SYT16: variants seen among roughly 807,000 people sequenced by gnomAD.
SYT16 encodes synaptotagmin 16.
Under a neutral mutation model 61.4 loss-of-function variants are expected in SYT16, and 42 were observed. The ratio of observed to expected loss-of-function variants is 0.68; its 90% CI spans 0.53 to 0.89. The LOEUF (loss-of-function observed/expected upper bound fraction) is 0.89. Among genes scored for constraint, SYT16 ranks in the 40% least tolerant of loss-of-function variants. The pLI, the probability that SYT16 is intolerant of heterozygous loss-of-function variation, is 0.00. For synonymous variants in SYT16, 314 were observed against 302.3 expected (o/e 1.04, Z -0.40); for missense variants, 804 against 807.3 (o/e 1.00, Z 0.05).
At chr14:61,888,885 A>G (rs1184870382) in intron 1 of SYT16, among the ~76,000 whole-genome samples, 1 of 152,142 alleles carries the variant, frequency 6.6e-6, no homozygotes, top group Non-Finnish European at 1.5e-5. Flanking sequence ...ACTAATAGCT[A>G]TCTCTCTATA....
chr14:62,032,590 T>C (rs941373142), intron 3 of SYT16, among the ~76,000 whole-genome samples: 2 of 152,088 alleles, frequency 1.3e-5, no homozygotes, highest in African/African-American at 2.4e-5. Context: ...GTAATGATAC[T>C]GAATAATGAC....
intron 1 of SYT16, among the ~76,000 whole-genome samples, chr14:61,855,056 A>G (rs2140277305): frequency 6.6e-6 from 1 of 152,314 alleles, no homozygotes; most frequent in East Asian, 1.9e-4. Flanking sequence ...ATCTACAAGG[A>G]CTGAGATAAA....
chr14:62,094,982 G>T (rs1329640922), intron 7 of SYT16, among the ~76,000 whole-genome samples: 4 of 151,928 alleles, frequency 2.6e-5, no homozygotes, highest in African/African-American at 9.7e-5. Context: ...GAGTACTGGG[G>T]CTCTCTCTCC....
chr14:61,981,445 T>C (rs865933843), intron 2 of SYT16, among the ~76,000 whole-genome samples: 1 of 152,120 alleles, frequency 6.6e-6, no homozygotes, highest in Admixed American at 6.6e-5. Flanking sequence ...AAAAAACTTA[T>C]TATGGAAACG....
At chr14:62,029,228 A>G (rs2140795753) in intron 3 of SYT16, among the ~76,000 whole-genome samples, 1 of 152,290 alleles carries the variant, frequency 6.6e-6, no homozygotes, top group Non-Finnish European at 1.5e-5. Context: ...TCCCCGGTTC[A>G]AGTGATTCTT....
At chr14:62,013,693 C>T (rs768201806) in intron 3 of SYT16, among the ~76,000 whole-genome samples, 14 of 152,154 alleles carry the variant, frequency 9.2e-5, no homozygotes, top group Non-Finnish European at 1.9e-4. Context: ...CGGCCAAGTG[C>T]GGTGGCTCAT....
In SYT16 at chr14:62,104,528, G is replaced by A. The variant is rs1237902759; in HGVS notation, c.*3821G>A. ...GAAGAATTAAAGAATACATAAATGT[G>A]CTGGATACATTTAGCATCCTCCAGT... On this transcript the variant is annotated 3_prime_UTR_variant, in exon 8 of 8. Transcript: ENST00000683842. The A allele has an allele frequency of 2.0e-5, 3 of 152,188 alleles. No individual in the cohort carries two copies. Among genetic ancestry groups the A allele is most frequent in the Non-Finnish European group, 4.4e-5 (3 of 68,026 alleles). The allele number at this position is 152,188 out of a possible 1,614,324, so 9.4% of individuals were successfully genotyped here. A position where few individuals can be genotyped will look rare whatever the true frequency, so the allele number is the denominator to read the frequency against.
At chr14:62,094,198 T>C (rs2057187657) in intron 7 of SYT16, among the ~76,000 whole-genome samples, 2 of 152,158 alleles carry the variant, frequency 1.3e-5, no homozygotes, top group South Asian at 2.1e-4. Flanking sequence ...TTGACCTGAA[T>C]TAAATGTCAC....
intron 1 of SYT16, among the ~76,000 whole-genome samples, chr14:61,837,384 TG>T (rs1362221367): frequency 1.3e-5 from 2 of 151,596 alleles, no homozygotes; most frequent in Admixed American, 6.6e-5. Flanking sequence ...ACTACAGGTG[TG>T]GGCCACCTTG....
intron 3 of SYT16, among the ~76,000 whole-genome samples, chr14:62,014,283 TA>T (rs2053580217): frequency 6.6e-6 from 1 of 152,166 alleles, no homozygotes; most frequent in Non-Finnish European, 1.5e-5. Flanking sequence ...GACATCCTGT[TA>T]TCAAAGTAAG....
intron 1 of SYT16, among the ~76,000 whole-genome samples, chr14:61,859,376 T>A (rs561039127): frequency 2.8e-4 from 42 of 152,058 alleles, no homozygotes; most frequent in Admixed American, 2.6e-3. Context: ...TAGGGTGGGG[T>A]GACCGGATTT....
intron 3 of SYT16, among the ~76,000 whole-genome samples, chr14:62,051,436 C>T (rs1004885252): frequency 6.6e-6 from 1 of 152,206 alleles, no homozygotes; most frequent in African/African-American, 2.4e-5. Context: ...GGCGATGCCT[C>T]ACCCTGCTTT....
Position 61,865,305 on chromosome 14 carries a change from C to T in SYT16, c.-325+52495C>T, listed in dbSNP as rs938269148. 2.7e-5 allele frequency: 20 copies of T among 739,184 alleles called. No individual in the cohort carries two copies. In the African/African-American group the frequency reaches 2.8e-4, roughly 10 times the overall value. 45.8% of individuals were successfully genotyped at this position (739,184 alleles called of 1,614,324 possible). A position where few individuals can be genotyped will look rare whatever the true frequency, so the allele number is the denominator to read the frequency against. The stretch of plus-strand genomic sequence containing the variant: ...CATGCCCTACACATCCCTCTGAACG[C>T]AGGGATGCGGAGAGCCTGAAGCTCT... On this transcript the variant is annotated intron_variant, in intron 1 of 7. Transcript: ENST00000683842.
chr14:61,924,972 A>G (rs181555612), intron 1 of SYT16, among the ~76,000 whole-genome samples: 3 of 152,316 alleles, frequency 2.0e-5, no homozygotes, highest in Admixed American at 6.5e-5. Context: ...ACCATCTTTA[A>G]CACATCTCAA....
intron 7 of SYT16, among the ~76,000 whole-genome samples, chr14:62,095,424 T>C (rs2057237501): frequency 6.6e-6 from 1 of 152,008 alleles, no homozygotes; most frequent in African/African-American, 2.4e-5. Context: ...ATATTTCTTA[T>C]ATAAAATCAG....
chr14:61,887,479 C>T (rs567113966), intron 1 of SYT16, among the ~76,000 whole-genome samples: 17 of 152,344 alleles, frequency 1.1e-4, no homozygotes, highest in African/African-American at 4.1e-4. Flanking sequence ...GATTTCTCCT[C>T]TCTAGCCATG....
rs1316868774 is a variant in SYT16 at position 62,103,029 on chromosome 14, G to A, written c.*2322G>A. On this transcript the variant is annotated 3_prime_UTR_variant, in exon 8 of 8. Coordinates refer to ENST00000683842, the MANE Select transcript of SYT16 (RefSeq NM_001367656.1). ...GTTGGTGCTACTCACCAAATAGGAT[G>A]CATGTACATCTTGAATATACAGCAA... The A allele has an allele frequency of 6.6e-6, 1 of 152,194 alleles. No homozygotes were observed. Among genetic ancestry groups the A allele is most frequent in the Non-Finnish European group, 1.5e-5 (1 of 68,014 alleles). 9.4% of individuals were successfully genotyped at this position (152,194 alleles called of 1,614,324 possible).
chr14:61,879,130 C>T (rs1202109776), intron 1 of SYT16, among the ~76,000 whole-genome samples: 1 of 151,974 alleles, frequency 6.6e-6, no homozygotes, highest in Non-Finnish European at 1.5e-5. Context: ...TCTCTTGATA[C>T]ACTCAATGTG....
intron 3 of SYT16, among the ~76,000 whole-genome samples, chr14:62,041,599 G>A (rs377612694): frequency 2.7e-4 from 41 of 152,204 alleles, no homozygotes; most frequent in East Asian, 1.5e-3. Flanking sequence ...TCTGCCTCCC[G>A]GGTTCAAGCA....
Sources: gnomAD v4.1 joint callset for allele counts (sites outside exome capture counted in the v4.1 genomes callset) on GRCh38, gnomAD v4.1.1 for gene constraint, MANE v1.5 for transcripts, NCBI Gene and HGNC (gene_info 2026-07-23, HGNC 2026-07-21) for gene names.